Variants in GRIA4 observed in about 807,000 individuals in gnomAD.
GRIA4 encodes glutamate ionotropic receptor AMPA type subunit 4.
GRIA4 carries 34 observed loss-of-function variants against 104.0 expected under a neutral mutation model. The observed-to-expected ratio is 0.33, with a 90% confidence interval of 0.25 to 0.44. The LOEUF is 0.44. Among genes scored for constraint, GRIA4 ranks in the 20% least tolerant of loss-of-function variants. The probability of loss-of-function intolerance (pLI) is 1.00; values close to 1 mark genes in which losing one functional copy is unlikely to be tolerated. For missense variants in GRIA4, 750 were observed against 1,096.5 expected, an observed-to-expected ratio of 0.68 and a Z score of 4.46; for synonymous variants, 386 against 381.9, an observed-to-expected ratio of 1.01 and a Z score of -0.13.
chr11:105,631,255 G>C lies in GRIA4; in HGVS notation c.247+18821G>C, dbSNP rs546816835. On this transcript the variant is annotated intron_variant, in intron 3 of 16. Transcript: ENST00000282499. ...GGAAGGAGGCAGCCAGCCCCGCTGGGGCTAGTGCATGTATCTATAATGTAC... is the reference window on the plus strand; with the variant it reads ...GGAAGGAGGCAGCCAGCCCCGCTGGCGCTAGTGCATGTATCTATAATGTAC... Among the ~76,000 whole-genome samples, 15 of 152,144 alleles carry C rather than the reference G, an allele frequency of 9.9e-5. No homozygotes were observed. The South Asian group carries it at 2.3e-3, about 23-fold the overall frequency.
chr11:105,761,219 C>T (rs773450802), intron 4 of GRIA4, among the ~76,000 whole-genome samples: 15 of 152,018 alleles, frequency 9.9e-5, no homozygotes, highest in South Asian at 2.1e-4. Flanking sequence ...AGGTAATGAA[C>T]GCCTCTCTCA....
At chr11:105,756,415 C>T (rs112851400) in intron 4 of GRIA4, among the ~76,000 whole-genome samples, 1,663 of 152,204 alleles carry the variant, frequency 0.011, 37 homozygotes, top group African/African-American at 0.038. Flanking sequence ...CCGCATTCCA[C>T]CAACACAAAT....
chr11:105,905,427 G>C, intron 9 of GRIA4, 126 bp downstream of exon 9: 1 of 597,282 alleles, frequency 1.7e-6, no homozygotes, highest in Non-Finnish European at 3.0e-6. Flanking sequence ...AAATACTTTA[G>C]TACTTTCTTT....
intron 3 of GRIA4, among the ~76,000 whole-genome samples, chr11:105,652,541 T>C (rs1439361903): frequency 6.6e-6 from 1 of 152,214 alleles, no homozygotes; most frequent in Non-Finnish European, 1.5e-5. Flanking sequence ...CCAATAGTTT[T>C]ACAAAATTGA....
At chr11:105,745,301 A>C (rs1315593710) in intron 3 of GRIA4, among the ~76,000 whole-genome samples, 2 of 152,182 alleles carry the variant, frequency 1.3e-5, no homozygotes, top group African/African-American at 4.8e-5. Context: ...CTTCTGTCTA[A>C]CTACTCTAAC....
At chr11:105,614,113 C>G (rs1029135632) in intron 3 of GRIA4, 1 of 151,610 alleles carries the variant, frequency 6.6e-6, no homozygotes, top group African/African-American at 2.4e-5. Flanking sequence ...GTCAATCTTA[C>G]TACTTTTAAA....
At chr11:105,694,330 A>G (rs1591087283) in intron 3 of GRIA4, among the ~76,000 whole-genome samples, 1 of 152,084 alleles carries the variant, frequency 6.6e-6, no homozygotes, top group East Asian at 1.9e-4. Context: ...TTGTATTTTT[A>G]GTAGAGAGGG....
At chr11:105,870,594 T>G (rs1945579060) in intron 5 of GRIA4, among the ~76,000 whole-genome samples, 1 of 151,254 alleles carries the variant, frequency 6.6e-6, no homozygotes, top group African/African-American at 2.4e-5. Flanking sequence ...GAGTTTGAAT[T>G]CCCCAGGCAG....
chr11:105,955,955 T>G (rs918753657), intron 14 of GRIA4, among the ~76,000 whole-genome samples: 2 of 152,206 alleles, frequency 1.3e-5, no homozygotes, highest in Admixed American at 6.5e-5. Flanking sequence ...CTTTGCCCAA[T>G]TTTTGATGGG....
intron 4 of GRIA4, 95 bp from the exon 5 acceptor site, chr11:105,861,929 T>C (rs1945238708): frequency 1.4e-6 from 1 of 715,824 alleles, no homozygotes; most frequent in East Asian, 2.5e-5. Context: ...CAGTATATTT[T>C]GGAACATAAC....
chr11:105,812,259 T>C (rs1230091824), intron 4 of GRIA4, among the ~76,000 whole-genome samples: 3 of 152,218 alleles, frequency 2.0e-5, no homozygotes, highest in African/African-American at 7.2e-5. Flanking sequence ...CCTGTGTGTC[T>C]CCACCCTTCA....
intron 3 of GRIA4, among the ~76,000 whole-genome samples, chr11:105,631,117 T>A (rs530895963): frequency 4.0e-4 from 61 of 152,322 alleles, no homozygotes; most frequent in Admixed American, 5.9e-4. Context: ...TTTCTGTGTC[T>A]AAAGTAAGAT....
At chr11:105,896,912 G>A (rs1946670533) in intron 6 of GRIA4, among the ~76,000 whole-genome samples, 1 of 152,060 alleles carries the variant, frequency 6.6e-6, no homozygotes, top group African/African-American at 2.4e-5. Context: ...AGTTCCATAT[G>A]AATATTAGAA....
chr11:105,649,976 A>C (rs1267628336), intron 3 of GRIA4, among the ~76,000 whole-genome samples: 1 of 152,174 alleles, frequency 6.6e-6, no homozygotes, highest in Admixed American at 6.6e-5. Flanking sequence ...CTAAGAAAAT[A>C]GCTTTGAGAG....
chr11:105,653,024 G>A (rs910949505), intron 3 of GRIA4, among the ~76,000 whole-genome samples: 1 of 152,102 alleles, frequency 6.6e-6, no homozygotes, highest in Non-Finnish European at 1.5e-5. Context: ...CCCTTCTCCT[G>A]CCTCAGCCTC....
intron 5 of GRIA4, among the ~76,000 whole-genome samples, chr11:105,865,511 G>C (rs1945374021): frequency 6.6e-6 from 1 of 152,070 alleles, no homozygotes; most frequent in Non-Finnish European, 1.5e-5. Context: ...GTGGACCCTA[G>C]CTTTATTCCT....
chr11:105,812,924 A>AC (rs1349208125), intron 4 of GRIA4, among the ~76,000 whole-genome samples: 3 of 151,642 alleles, frequency 2.0e-5, no homozygotes, highest in Non-Finnish European at 4.4e-5. Flanking sequence ...ACATGGTGAA[A>AC]CCCCGTCTCT....
chr11:105,863,017 T>TAGTTC (rs373010938), intron 5 of GRIA4, among the ~76,000 whole-genome samples: 9 of 152,318 alleles, frequency 5.9e-5, no homozygotes, highest in African/African-American at 2.2e-4. Flanking sequence ...TACAATACGT[T>TAGTTC]AGTTCAGCCA....
chr11:105,748,304 T>C (rs1044669256), intron 3 of GRIA4, among the ~76,000 whole-genome samples: 2 of 152,154 alleles, frequency 1.3e-5, no homozygotes, highest in African/African-American at 4.8e-5. Flanking sequence ...CCTCACAGCA[T>C]GGTGGCTGAG....
Sources: gnomAD v4.1 joint callset for allele counts (sites outside exome capture counted in the v4.1 genomes callset) on GRCh38, gnomAD v4.1.1 for gene constraint, MANE v1.5 for transcripts, NCBI Gene and HGNC (gene_info 2026-07-23, HGNC 2026-07-21) for gene names.